EDC4: variants seen among roughly 807,000 people sequenced by gnomAD.
The protein encoded by EDC4 is enhancer of mRNA-decapping protein 4.
A neutral mutation model predicts 155.8 loss-of-function variants in EDC4; 64 were observed. The observed-to-expected ratio is 0.41, with a 90% CI of 0.34 to 0.51. The LOEUF is 0.51. Ranked by LOEUF, EDC4 falls within the 20% of genes least tolerant of loss-of-function variation. The pLI is 0.19. For missense variants in EDC4, 1,303 were observed against 1,812.5 expected (o/e 0.72, Z 5.10); for synonymous variants, 684 against 716.8 (o/e 0.95, Z 0.73).
At position 67,882,280 on chromosome 16, in the gene EDC4, G is replaced by A. The variant is rs918453663; in HGVS notation, c.3229G>A (p.Val1077Met). The change falls in exon 24 of 29, where the codon GTG (valine) becomes ATG (methionine). Residue 1077 changes from valine to methionine, a missense_variant. Physicochemically the swap from Val to Met is conservative, Grantham distance 21. This residue lies in a region of EDC4 where 527 missense variants were observed against 757.0 expected (regional missense o/e 0.70). Transcript: ENST00000358933. The surrounding 1 kb of genome is among the most constrained non-coding windows in gnomAD (Gnocchi z 7.2). The part of the protein sequence containing the change: ...SNSVATKLTA[V>M]EGSMKENISK... ...CTCAGTGGCTACCAAGCTCACAGCT[G>A]TGGAGGGCAGCATGAAAGAGAACAT... The A allele has an allele frequency of 1.2e-6, 2 of 1,613,274 alleles. No individual in the cohort carries two copies. The highest frequency in any genetic ancestry group is 1.1e-5 in the South Asian group (1 of 90,942).
chr16:67,884,135 C>T lies in EDC4; in HGVS notation c.4193C>T (p.Pro1398Leu), dbSNP rs766562184. Residue 1398 changes from proline (P) to leucine (L), a missense_variant, in exon 29 of 29, where the codon CCC (proline) becomes CTC (leucine). Coordinates refer to ENST00000358933, the MANE Select transcript of EDC4 (RefSeq NM_014329.5). This position sits in a 1 kb window ranked among gnomAD's most constrained non-coding sequence, Gnocchi z 4.1. ...CTCATGCTGCATGGCCTCGTGACCCCCAGCCTCCCTTAGCTGCTAAGCCTG... is the reference window on the plus strand; with the variant it reads ...CTCATGCTGCATGGCCTCGTGACCCTCAGCCTCCCTTAGCTGCTAAGCCTG... Reference protein sequence around the residue: ...LSLMLHGLVTPSLP With the variant: ...LSLMLHGLVTLSLP 1 of 1,609,724 alleles carries T rather than the reference C, an allele frequency of 6.2e-7. No individual in the cohort carries two copies.
At position 67,878,670 on chromosome 16, in the gene EDC4, C is replaced by G; in HGVS notation, c.1184+39C>G. 6.2e-7 allele frequency: 1 copy of G among 1,614,140 alleles called. No individual in the cohort carries two copies. Among genetic ancestry groups the G allele is most frequent in the Non-Finnish European group, 8.5e-7 (1 of 1,180,024 alleles). ...GGAAGGCTGGGGGACTGGGCAGGGG[C>G]GGCAGGGTTGGGAATGTAGCTTCCT... On this transcript the variant is annotated intron_variant, in intron 10 of 28. Transcript: ENST00000358933. The surrounding 1 kb of genome is among the most constrained non-coding windows in gnomAD (Gnocchi z 5.2).
In EDC4 at chr16:67,876,644, C is replaced by G. The variant is rs1290325103; in HGVS notation, c.351+45C>G. ...GGCATATATAATGTACGGGGGCACA[C>G]CCAGCCTTTCCAGTCTCCCTCATGC... On this transcript the variant is annotated intron_variant, in intron 3 of 28. Coordinates refer to ENST00000358933, the MANE Select transcript of EDC4 (RefSeq NM_014329.5). This position sits in a 1 kb window ranked among gnomAD's most constrained non-coding sequence, Gnocchi z 5.8. 2 of 1,604,306 alleles carry G rather than the reference C, an allele frequency of 1.2e-6. No homozygotes were observed. Among genetic ancestry groups the G allele is most frequent in the African/African-American group, 2.7e-5 (2 of 74,714 alleles).
chr16:67,879,275 G>A lies in EDC4; in HGVS notation c.1507G>A (p.Gly503Ser), dbSNP rs375278242. Reference protein sequence around the residue: ...HGAGAMESAAGVLIKLFCVHT... With the variant: ...HGAGAMESAASVLIKLFCVHT... ...AGCCGGTGCCATGGAGTCTGCGGCC[G>A]GTGTGCTCATCAAGCTCTTTTGTGT... Residue 503 changes from glycine to serine, a missense_variant, in exon 13 of 29, where the codon GGT becomes AGT. Coordinates refer to ENST00000358933, the MANE Select transcript of EDC4 (RefSeq NM_014329.5). This position sits in a 1 kb window ranked among gnomAD's most constrained non-coding sequence, Gnocchi z 6.0. 1.6e-5 allele frequency: 26 copies of A among 1,614,056 alleles called. No individual in the cohort carries two copies. The Admixed American group carries it at 1.7e-4, about 10-fold the overall frequency.
rs766324572 is a variant in EDC4 at position 67,882,172 on chromosome 16, T to G, written c.3161-40T>G. On this transcript the variant is annotated intron_variant, in intron 23 of 28. Coordinates refer to ENST00000358933, the MANE Select transcript of EDC4 (RefSeq NM_014329.5). This position sits in a 1 kb window ranked among gnomAD's most constrained non-coding sequence, Gnocchi z 7.2. ...GTGGGAGTGGGGTACCTGTCAAGCT[T>G]CTTCTCATGGCTCCACCTCACCCTC... 63 of 1,495,972 alleles carry G rather than the reference T, an allele frequency of 4.2e-5. No homozygotes were observed. The highest frequency in any genetic ancestry group is 5.4e-5 in the Non-Finnish European group (58 of 1,082,390). 92.7% of individuals were successfully genotyped at this position (1,495,972 alleles called of 1,614,324 possible).
chr16:67,882,056 C>T lies in EDC4; in HGVS notation c.3107C>T (p.Ala1036Val), dbSNP rs775374770. ...QLSQALSSAV[A>V]GRLERSIRDE... ...TCCCAAGCACTGTCGTCAGCTGTAG[C>T]TGGGCGGCTAGAGCGCAGCATACGG... The change falls in exon 23 of 29, where the codon GCT becomes GTT. Residue 1036 changes from alanine (A) to valine (V), a missense_variant. Transcript: ENST00000358933. The surrounding 1 kb of genome is among the most constrained non-coding windows in gnomAD (Gnocchi z 7.2). 2 of 1,612,908 alleles carry T rather than the reference C, an allele frequency of 1.2e-6. No homozygotes were observed. The highest frequency in any genetic ancestry group is 2.7e-5 in the African/African-American group (2 of 74,858).
In EDC4 at chr16:67,883,491, C is replaced by G; in HGVS notation, c.3850-77C>G. On this transcript the variant is annotated intron_variant, in intron 27 of 28. Transcript: ENST00000358933. The surrounding 1 kb of genome is among the most constrained non-coding windows in gnomAD (Gnocchi z 5.3). ...TAGCCCACCCTGTGGTCATCCTCCC[C>G]CAGGCCACACAGTTCAGACAAGCAG... is the stretch of plus-strand genomic sequence containing the variant. The G allele has an allele frequency of 6.4e-7, 1 of 1,572,870 alleles. No individual in the cohort carries two copies. The highest frequency in any genetic ancestry group is 1.1e-5 in the South Asian group (1 of 87,138).
rs1225725359 is a variant in EDC4 at position 67,881,040 on chromosome 16, A to G, written c.2532-36A>G. 1.2e-6 allele frequency: 2 copies of G among 1,613,896 alleles called. No individual in the cohort carries two copies. The highest frequency in any genetic ancestry group is 2.7e-5 in the African/African-American group (2 of 74,924). On this transcript the variant is annotated intron_variant, in intron 18 of 28. Coordinates refer to ENST00000358933, the MANE Select transcript of EDC4 (RefSeq NM_014329.5). The surrounding 1 kb of genome is among the most constrained non-coding windows in gnomAD (Gnocchi z 5.4). ...TGTGCTAGCAGGAGGGGCTTCAGATAGATTCATCCATGGCTAAGTTGGCCT... is the reference window on the plus strand; with the variant it reads ...TGTGCTAGCAGGAGGGGCTTCAGATGGATTCATCCATGGCTAAGTTGGCCT...
rs149227826 is a variant in EDC4, at chr16:67,880,181, C to G, written c.2062C>G (p.Pro688Ala). ...RGLLPGLLPAPADKLTPKGPG... is the reference protein window; with the variant it reads ...RGLLPGLLPAAADKLTPKGPG... ...CCTCCTGCCTGGCCTGCTCCCAGCC[C>G]CAGCTGACAAACTGACTCCCAAGGG... is the stretch of plus-strand genomic sequence containing the variant. The change falls in exon 17 of 29, where the codon CCA becomes GCA. Residue 688 changes from proline to alanine, a missense_variant. Transcript: ENST00000358933. This position sits in a 1 kb window ranked among gnomAD's most constrained non-coding sequence, Gnocchi z 5.2. 83 of 1,611,396 alleles carry G rather than the reference C, an allele frequency of 5.2e-5. No homozygotes were observed. The African/African-American group carries it at 9.5e-4, about 18-fold the overall frequency.
rs776523756 is a variant in EDC4, at chr16:67,881,209, A to G, written c.2636+29A>G. 78 of 1,613,850 alleles carry G rather than the reference A, an allele frequency of 4.8e-5. No individual in the cohort carries two copies. Among genetic ancestry groups the G allele is most frequent in the Non-Finnish European group, 6.4e-5 (76 of 1,179,982 alleles). On this transcript the variant is annotated intron_variant, in intron 19 of 28. Transcript: ENST00000358933. The surrounding 1 kb of genome is among the most constrained non-coding windows in gnomAD (Gnocchi z 5.4). ...GGAGCCACTCTACACCATTGCCCTC[A>G]TGGGGGGATGGGCAGCAAGTGGGCA... is the stretch of plus-strand genomic sequence containing the variant.
chr16:67,881,519 C>T lies in EDC4; in HGVS notation c.2812C>T (p.Leu938Phe), dbSNP rs757252724. ...DDGDAAMGSRLTEHQVAEPPE... is the reference protein window; with the variant it reads ...DDGDAAMGSRFTEHQVAEPPE... Reference sequence around the variant, plus strand: ...CAGGGATGCAGCCATGGGATCCCGGCTCACAGAGCACCAGGTAAGTGAATG... The same window carrying T: ...CAGGGATGCAGCCATGGGATCCCGGTTCACAGAGCACCAGGTAAGTGAATG... Residue 938 changes from leucine to phenylalanine, a missense_variant, in exon 21 of 29, where the codon CTC becomes TTC. Leu to Phe is a conservative substitution (Grantham distance 22). Around this residue, in one of 5 missense-constraint regions of EDC4, gnomAD observed 527 missense variants for 757.0 expected, o/e 0.70. Coordinates refer to ENST00000358933, the MANE Select transcript of EDC4 (RefSeq NM_014329.5). This position sits in a 1 kb window ranked among gnomAD's most constrained non-coding sequence, Gnocchi z 5.4. The T allele has an allele frequency of 6.2e-7, 1 of 1,614,016 alleles. No homozygotes were observed. Among genetic ancestry groups the T allele is most frequent in the Non-Finnish European group, 8.5e-7 (1 of 1,180,036 alleles).
rs937346549 is a variant in EDC4 at position 67,878,035 on chromosome 16, G to A, written c.895-131G>A. 5 of 1,506,138 alleles carry A rather than the reference G, an allele frequency of 3.3e-6. No individual in the cohort carries two copies. The highest frequency in any genetic ancestry group is 1.4e-5 in the African/African-American group (1 of 72,154). 93.3% of individuals were successfully genotyped at this position (1,506,138 alleles called of 1,614,324 possible). A position where few individuals can be genotyped will look rare whatever the true frequency, so the allele number is the denominator to read the frequency against. On this transcript the variant is annotated intron_variant, in intron 7 of 28. Transcript: ENST00000358933. The surrounding 1 kb of genome is among the most constrained non-coding windows in gnomAD (Gnocchi z 5.2). ...ACCCTGCAGGTCTGGCCTTCTCTAGGAACCCTGTTCATTTAGTCAGTCACA... is the reference window on the plus strand; with the variant it reads ...ACCCTGCAGGTCTGGCCTTCTCTAGAAACCCTGTTCATTTAGTCAGTCACA...
chr16:67,881,566 A>G lies in EDC4; in HGVS notation c.2826+33A>G, dbSNP rs1555497355. On this transcript the variant is annotated intron_variant, in intron 21 of 28. Transcript: ENST00000358933. The surrounding 1 kb of genome is among the most constrained non-coding windows in gnomAD (Gnocchi z 5.4). ...AATGAGCCCACTTTGTACTTGTGGA[A>G]CTTCACCCTGGGCGGGTGGAGAAGG... 1.9e-6 allele frequency: 3 copies of G among 1,613,626 alleles called. No homozygotes were observed. In the East Asian group the frequency reaches 6.7e-5, roughly 36 times the overall value.
Position 67,878,785 on chromosome 16 carries a change from G to A in EDC4, c.1233G>A (p.Lys411=), listed in dbSNP as rs1212763530. ...CAGTGAGTGTGCCCCCTAGCCTCAA[G>A]GTTTGCTTGGACCTCTCAGCAGAAT... ...FSSVSVPPSL[K]VCLDLSAEYL... The change falls in exon 11 of 29, where the codon AAG becomes AAA. Residue 411 remains lysine, a synonymous_variant. Transcript: ENST00000358933. This position sits in a 1 kb window ranked among gnomAD's most constrained non-coding sequence, Gnocchi z 5.2. 1.2e-6 allele frequency: 2 copies of A among 1,614,010 alleles called. No homozygotes were observed. The highest frequency in any genetic ancestry group is 1.7e-5 in the Admixed American group (1 of 59,996).
At position 67,879,287 on chromosome 16, in the gene EDC4, A is replaced by C; in HGVS notation, c.1519A>C (p.Lys507Gln). 1 of 1,614,152 alleles carries C rather than the reference A, an allele frequency of 6.2e-7. No individual in the cohort carries two copies. The highest frequency in any genetic ancestry group is 1.1e-5 in the South Asian group (1 of 91,080). ...AMESAAGVLI[K>Q]LFCVHTKALQ... is the part of the protein sequence containing the mutation. ...GGAGTCTGCGGCCGGTGTGCTCATC[A>C]AGCTCTTTTGTGTGCATACTAAGTG... The change falls in exon 13 of 29, where the codon AAG becomes CAG. Residue 507 changes from lysine (K) to glutamine (Q), a missense_variant. Lys to Gln is a moderately conservative substitution (Grantham distance 53). Transcript: ENST00000358933. The surrounding 1 kb of genome is among the most constrained non-coding windows in gnomAD (Gnocchi z 6.0).
rs1465967151 is a variant in EDC4 at position 67,879,084 on chromosome 16, T to C, written c.1415T>C (p.Leu472Pro). The change falls in exon 12 of 29, where the codon CTA (leucine) becomes CCA (proline). Residue 472 changes from leucine to proline, a missense_variant. Coordinates refer to ENST00000358933, the MANE Select transcript of EDC4 (RefSeq NM_014329.5). This position sits in a 1 kb window ranked among gnomAD's most constrained non-coding sequence, Gnocchi z 6.0. Reference sequence around the variant, plus strand: ...ATCCAGGTTGTGAGTCGCTGCCGGCTACGGCACACTGAGGTGCTGCCTGCC... The same window carrying C: ...ATCCAGGTTGTGAGTCGCTGCCGGCCACGGCACACTGAGGTGCTGCCTGCC... ...FGIQVVSRCR[L>P]RHTEVLPAEE... The C allele has an allele frequency of 6.2e-7, 1 of 1,613,912 alleles. No individual in the cohort carries two copies. The highest frequency in any genetic ancestry group is 1.1e-5 in the South Asian group (1 of 91,090).
Position 67,883,648 on chromosome 16 carries a change from C to T in EDC4, c.3930C>T (p.Pro1310=). 1 of 1,614,212 alleles carries T rather than the reference C, an allele frequency of 6.2e-7. No homozygotes were observed. The highest frequency in any genetic ancestry group is 8.5e-7 in the Non-Finnish European group (1 of 1,180,038). The change falls in exon 28 of 29, where the codon CCC becomes CCT. Residue 1310 remains proline (P), a synonymous_variant. Coordinates refer to ENST00000358933, the MANE Select transcript of EDC4 (RefSeq NM_014329.5). This position sits in a 1 kb window ranked among gnomAD's most constrained non-coding sequence, Gnocchi z 5.3. ...VDPAQVFGQP[P]CPLSQPVLLS... ...CAGCCCAGGTTTTTGGGCAGCCACC[C>T]TGCCCGCTCTCCCAGCCTGTGCTCC... is the stretch of plus-strand genomic sequence containing the variant.
chr16:67,884,249 C>A lies in EDC4; in HGVS notation c.*101C>A, dbSNP rs2058083750. The stretch of plus-strand genomic sequence containing the variant: ...GGCTGGCCTTTACCTGCTCAGGCCC[C>A]CATCTCTGGGGTGTTTGGGGGTCAG... On this transcript the variant is annotated 3_prime_UTR_variant, in exon 29 of 29. Transcript: ENST00000358933. The surrounding 1 kb of genome is among the most constrained non-coding windows in gnomAD (Gnocchi z 4.1). 1.7e-6 allele frequency: 2 copies of A among 1,160,810 alleles called. No individual in the cohort carries two copies. The highest frequency in any genetic ancestry group is 2.4e-6 in the Non-Finnish European group (2 of 841,956). The allele number at this position is 1,160,810 out of a possible 1,614,324, so 71.9% of individuals were successfully genotyped here.
In EDC4 at chr16:67,877,046, T is replaced by G; in HGVS notation, c.451+74T>G. 7 of 1,590,414 alleles carry G rather than the reference T, an allele frequency of 4.4e-6. No homozygotes were observed. Among genetic ancestry groups the G allele is most frequent in the Non-Finnish European group, 6.0e-6 (7 of 1,167,090 alleles). On this transcript the variant is annotated intron_variant, in intron 4 of 28. Transcript: ENST00000358933. The surrounding 1 kb of genome is among the most constrained non-coding windows in gnomAD (Gnocchi z 4.9). ...AGAGCCAGTTCCAACATCAGGCCACTCAGGCCTTAGGGGTACAATGGAAGG... is the reference window on the plus strand; with the variant it reads ...AGAGCCAGTTCCAACATCAGGCCACGCAGGCCTTAGGGGTACAATGGAAGG...
Sources: gnomAD v4.1 joint callset for allele counts on GRCh38, gnomAD v4.1.1 for gene constraint, gnomAD v4.1.1 regional missense constraint, Gnocchi (gnomAD v3.1) non-coding constraint, MANE v1.5 for transcripts, NCBI Gene and HGNC (gene_info 2026-07-23, HGNC 2026-07-21) for gene names.